The following DLGAP2 variants were observed in gnomAD, a reference collection of about 807,000 sequenced individuals.
DLGAP2 encodes disks large-associated protein 2.
DLGAP2 carries 26 observed loss-of-function variants against 100.3 expected under a neutral mutation model. The observed-to-expected ratio is 0.26, with a 90% CI of 0.19 to 0.36. The LOEUF (loss-of-function observed/expected upper bound fraction) is 0.36, where lower values mean the gene tolerates loss of function less well. Ranked by LOEUF, DLGAP2 falls within the 10% of genes least tolerant of loss-of-function variation. The pLI is 1.00. For synonymous variants in DLGAP2, 886 were observed against 630.1 expected, an observed-to-expected ratio of 1.41 and a Z score of -6.08; for missense variants, 1,858 against 1,453.2, an observed-to-expected ratio of 1.28 and a Z score of -4.53.
chr8:1,191,226 C>T (rs975482809), intron 2 of DLGAP2, among the ~76,000 whole-genome samples: 3 of 116,044 alleles, frequency 2.6e-5, no homozygotes, highest in African/African-American at 6.3e-5. Context: ...GGCTGGAGTA[C>T]AGTGGCGCGA....
chr8:1,386,477 T>A (rs1796223386), intron 3 of DLGAP2, among the ~76,000 whole-genome samples: 1 of 152,192 alleles, frequency 6.6e-6, no homozygotes, highest in African/African-American at 2.4e-5. Flanking sequence ...TGGGAGAACC[T>A]GCAGAATTCC....
At chr8:1,212,876 C>T (rs1798135287) in intron 2 of DLGAP2, among the ~76,000 whole-genome samples, 3 of 150,450 alleles carry the variant, frequency 2.0e-5, no homozygotes, top group Non-Finnish European at 2.9e-5. Flanking sequence ...CATCACATAT[C>T]TCTTAGTTTA....
intron 3 of DLGAP2, among the ~76,000 whole-genome samples, chr8:1,342,542 T>G (rs1801440768): frequency 6.6e-6 from 1 of 152,166 alleles, no homozygotes. Context: ...CAGTCGCATC[T>G]GCTGTACATT....
At chr8:934,375 A>C (rs34089492) in intron 2 of DLGAP2, among the ~76,000 whole-genome samples, 650 of 107,900 alleles carry the variant, frequency 6.0e-3, no homozygotes, top group Middle Eastern at 0.043. Flanking sequence ...GAGGGCAGAG[A>C]CTGCTGTGGA....
intron 6 of DLGAP2, among the ~76,000 whole-genome samples, chr8:1,582,660 G>T (rs1162464810): frequency 6.6e-6 from 1 of 152,162 alleles, no homozygotes; most frequent in African/African-American, 2.4e-5. Flanking sequence ...CACAGTCTCA[G>T]CTCACTGCAA....
At chr8:1,449,181 C>A (rs566178378) in intron 3 of DLGAP2, among the ~76,000 whole-genome samples, 6 of 152,234 alleles carry the variant, frequency 3.9e-5, no homozygotes, top group Non-Finnish European at 7.3e-5. Context: ...ATCACGCTGA[C>A]CACACAGCAC....
chr8:989,261 C>G (rs1385519416), intron 2 of DLGAP2, among the ~76,000 whole-genome samples: 1 of 152,160 alleles, frequency 6.6e-6, no homozygotes, highest in Non-Finnish European at 1.5e-5. Flanking sequence ...GGAAGGAGCA[C>G]CCCTCCCCAC....
intron 2 of DLGAP2, among the ~76,000 whole-genome samples, chr8:1,175,922 C>G (rs1463050002): frequency 1.3e-5 from 2 of 152,214 alleles, no homozygotes; most frequent in African/African-American, 4.8e-5. Flanking sequence ...TCCCTCTCGG[C>G]TTTGCCATCT....
At chr8:1,368,569 C>G (rs1286515286) in intron 3 of DLGAP2, 2 of 152,056 alleles carry the variant, frequency 1.3e-5, no homozygotes, top group African/African-American at 4.8e-5. Context: ...AAACATGGGC[C>G]TATTTGGGGA....
At position 1,697,133 on chromosome 8, in the gene DLGAP2, G is replaced by A. The variant is rs769146439; in HGVS notation, c.2797-14G>A. 3 of 1,555,374 alleles carry A rather than the reference G, an allele frequency of 1.9e-6. No individual in the cohort carries two copies. The highest frequency in any genetic ancestry group is 2.4e-5 in the South Asian group (2 of 82,062). On this transcript the variant is annotated splice_polypyrimidine_tract_variant and intron_variant, in intron 13 of 14. Coordinates refer to ENST00000637795, the MANE Select transcript of DLGAP2 (RefSeq NM_001346810.2). The stretch of plus-strand genomic sequence containing the variant: ...AGACTCTCCTGGCTCTGAACACCCT[G>A]TGTGTGTCCCCAGGACCCCAGCGCC...
chr8:1,595,781 T>A (rs1796438850), intron 6 of DLGAP2, among the ~76,000 whole-genome samples: 1 of 152,060 alleles, frequency 6.6e-6, no homozygotes, highest in African/African-American at 2.4e-5. Context: ...TATTATTATT[T>A]TTTAACTATA....
chr8:1,264,902 A>G (rs546029311), intron 3 of DLGAP2, among the ~76,000 whole-genome samples: 2 of 152,218 alleles, frequency 1.3e-5, no homozygotes, highest in East Asian at 1.9e-4. Flanking sequence ...AATAAGCCTC[A>G]TGAGATGTGA....
intron 2 of DLGAP2, among the ~76,000 whole-genome samples, chr8:1,036,264 A>G (rs4735968): frequency 0.29 from 42,073 of 146,884 alleles, 6,887 homozygotes; most frequent in African/African-American, 0.4. Flanking sequence ...CCGACCCCAC[A>G]TGTTCACGTG....
chr8:995,129 A>C (rs1039108030), intron 2 of DLGAP2, among the ~76,000 whole-genome samples: 1 of 152,230 alleles, frequency 6.6e-6, no homozygotes, highest in Non-Finnish European at 1.5e-5. Flanking sequence ...TGCCTCAGAC[A>C]GTCTTTTAAT....
intron 2 of DLGAP2, among the ~76,000 whole-genome samples, chr8:1,129,937 G>A (rs780075601): frequency 1.3e-5 from 2 of 152,186 alleles, no homozygotes; most frequent in African/African-American, 2.4e-5. Flanking sequence ...ATTCAGCCTT[G>A]TAACCCCAGG....
At chr8:1,322,595 C>A (rs1327802733) in intron 3 of DLGAP2, among the ~76,000 whole-genome samples, 1 of 151,600 alleles carries the variant, frequency 6.6e-6, no homozygotes. Flanking sequence ...GAAATGTGTG[C>A]GCCCACCTGG....
intron 3 of DLGAP2, among the ~76,000 whole-genome samples, chr8:1,274,360 A>G (rs1051288243): frequency 3.9e-5 from 6 of 152,176 alleles, no homozygotes; most frequent in Non-Finnish European, 7.3e-5. Flanking sequence ...CACGTATAAG[A>G]AAATAAACCA....
chr8:1,425,686 G>C (rs1464972599), intron 3 of DLGAP2, among the ~76,000 whole-genome samples: 4 of 152,182 alleles, frequency 2.6e-5, no homozygotes, highest in Non-Finnish European at 4.4e-5. Flanking sequence ...GGCAAGATGA[G>C]GCTCCTGTCC....
chr8:900,872 G>A (rs563355832), intron 1 of DLGAP2, among the ~76,000 whole-genome samples: 5 of 152,308 alleles, frequency 3.3e-5, no homozygotes, highest in Middle Eastern at 3.4e-3. Context: ...AATGGGCTCC[G>A]TAGGTCCGAC....
Sources: allele counts gnomAD v4.1 joint callset (sites outside exome capture counted in the v4.1 genomes callset), GRCh38; gene constraint gnomAD v4.1.1; transcripts MANE v1.5; gene names NCBI Gene and HGNC (gene_info 2026-07-23, HGNC 2026-07-21).